ANTXR2: variants seen among roughly 807,000 people sequenced by gnomAD.
ANTXR2 encodes anthrax toxin receptor 2.
ANTXR2 carries 44 observed loss-of-function variants against 73.7 expected under a neutral mutation model. That is an observed-to-expected ratio of 0.60 (90% CI 0.47 to 0.77). ANTXR2 has a LOEUF of 0.77. Among genes scored for constraint, ANTXR2 ranks in the 30% least tolerant of loss-of-function variants. The pLI is 0.00. For synonymous variants in ANTXR2, 217 were observed against 205.9 expected, an observed-to-expected ratio of 1.05 and a Z score of -0.46; for missense variants, 604 against 592.5, an observed-to-expected ratio of 1.02 and a Z score of -0.20.
In ANTXR2 at chr4:80,066,699, T is replaced by C. The variant is rs79260231; in HGVS notation, c.296+2737A>G. 1.8e-3 allele frequency among the ~76,000 whole-genome samples: 248 copies of C among 136,928 alleles called. 2 individuals are homozygous for C. The highest frequency in any genetic ancestry group is 6.7e-3 in the African/African-American group (233 of 34,732). 89.8% of individuals were successfully genotyped at this position (136,928 alleles called of 152,430 possible). On this transcript the variant is annotated intron_variant, in intron 3 of 16. Transcript: ENST00000403729. ...AATACTTCACATTCATCAACTTTCA[T>C]TCATGTAACAATTTTATGGGGTAGG...
intron 12 of ANTXR2, among the ~76,000 whole-genome samples, chr4:80,006,391 A>T (rs1273445480): frequency 6.6e-6 from 1 of 152,000 alleles, no homozygotes; most frequent in African/African-American, 2.4e-5. Context: ...AATCTACTTT[A>T]GAAAACGTTT....
At chr4:80,058,345 G>C (rs1313950106) in intron 3 of ANTXR2, among the ~76,000 whole-genome samples, 1 of 151,966 alleles carries the variant, frequency 6.6e-6, no homozygotes, top group Non-Finnish European at 1.5e-5. Flanking sequence ...AAGATTCCAA[G>C]CTCCACTCAA....
chr4:80,001,338 C>T (rs1384951910), intron 12 of ANTXR2, among the ~76,000 whole-genome samples: 1 of 134,976 alleles, frequency 7.4e-6, no homozygotes, highest in Non-Finnish European at 1.6e-5. Flanking sequence ...CACAACAGTC[C>T]CCAGAGTGTG....
intron 16 of ANTXR2, among the ~76,000 whole-genome samples, chr4:79,917,028 G>C (rs1356924736): frequency 6.6e-6 from 1 of 152,118 alleles, no homozygotes; most frequent in Non-Finnish European, 1.5e-5. Context: ...GTAAATGTTT[G>C]ACTTTTGAAA....
chr4:79,924,321 A>G (rs1727699451), intron 16 of ANTXR2, among the ~76,000 whole-genome samples: 1 of 152,154 alleles, frequency 6.6e-6, no homozygotes, highest in South Asian at 2.1e-4. Context: ...GGTTAAAAAC[A>G]TTCTTTAAAA....
intron 16 of ANTXR2, among the ~76,000 whole-genome samples, chr4:79,910,778 A>C (rs774510234): frequency 6.6e-6 from 1 of 152,190 alleles, no homozygotes; most frequent in African/African-American, 2.4e-5. Context: ...AGGATTACCA[A>C]GGAGAAAAAC....
intron 16 of ANTXR2, among the ~76,000 whole-genome samples, chr4:79,929,201 AT>A (rs1157180176): frequency 5.3e-5 from 8 of 152,296 alleles, no homozygotes; most frequent in African/African-American, 1.2e-4. Context: ...ATATAAAAAA[AT>A]AAAAATAAAT....
intron 16 of ANTXR2, among the ~76,000 whole-genome samples, chr4:79,936,256 A>C (rs568080352): frequency 6.6e-6 from 1 of 152,166 alleles, no homozygotes; most frequent in African/African-American, 2.4e-5. Flanking sequence ...TATTTGCAGA[A>C]TATTTAATTG....
Position 80,072,736 on chromosome 4 carries a change from T to A in ANTXR2, c.-176A>T, listed in dbSNP as rs1578203583. 1.5e-6 allele frequency: 2 copies of A among 1,325,914 alleles called. No homozygotes were observed. Among genetic ancestry groups the A allele is most frequent in the Non-Finnish European group, 1.9e-6 (2 of 1,043,772 alleles). The allele number at this position is 1,325,914 out of a possible 1,614,324, so 82.1% of individuals were successfully genotyped here. A position where few individuals can be genotyped will look rare whatever the true frequency, so the allele number is the denominator to read the frequency against. Reference sequence around the variant, plus strand: ...GCTGACAGGGAGGGAGAGAGGGAGGTCCTGAGAGGACAAAGGGAGTCTCCG... The same window carrying A: ...GCTGACAGGGAGGGAGAGAGGGAGGACCTGAGAGGACAAAGGGAGTCTCCG... On this transcript the variant is annotated 5_prime_UTR_variant, in exon 1 of 17. Transcript: ENST00000403729.
intron 16 of ANTXR2, among the ~76,000 whole-genome samples, chr4:79,951,736 C>T (rs1728718138): frequency 6.6e-6 from 1 of 152,082 alleles, no homozygotes; most frequent in African/African-American, 2.4e-5. Context: ...CTTTCTCTAC[C>T]TCTACAAATC....
chr4:79,990,948 T>C (rs560708222), intron 12 of ANTXR2, among the ~76,000 whole-genome samples: 1 of 152,064 alleles, frequency 6.6e-6, no homozygotes, highest in South Asian at 2.1e-4. Context: ...TCACCATATA[T>C]AAAAACCAGC....
chr4:80,032,936 G>A (rs1422310988), intron 9 of ANTXR2, among the ~76,000 whole-genome samples: 3 of 141,546 alleles, frequency 2.1e-5, no homozygotes, highest in Non-Finnish European at 4.5e-5. Context: ...AATCTATAAG[G>A]CAAAAAAAGA....
At chr4:79,952,852 G>T (rs1402224938) in intron 16 of ANTXR2, among the ~76,000 whole-genome samples, 1 of 151,718 alleles carries the variant, frequency 6.6e-6, no homozygotes, top group Non-Finnish European at 1.5e-5. Context: ...TTATACAACA[G>T]AGAGTACAAA....
intron 11 of ANTXR2, among the ~76,000 whole-genome samples, chr4:80,012,433 A>C (rs1170910687): frequency 6.6e-6 from 1 of 152,178 alleles, no homozygotes; most frequent in African/African-American, 2.4e-5. Flanking sequence ...AGTTTTACTG[A>C]ACACAGCCAT....
intron 10 of ANTXR2, 113 bp downstream of exon 10, chr4:80,031,510 T>C: frequency 1.2e-6 from 1 of 842,726 alleles, no homozygotes; most frequent in East Asian, 3.5e-5. Flanking sequence ...GCTTACTTTT[T>C]AATGCTCTGT....
In ANTXR2 at chr4:79,926,459, T is replaced by C. The variant is rs145122119; in HGVS notation, c.1429-18992A>G. The stretch of plus-strand genomic sequence containing the variant: ...ATGGGTGGGATGAGGAGGAAGATGA[T>C]TGCCATATCAAAGCAAATAAAGAAA... On this transcript the variant is annotated intron_variant, in intron 16 of 16. Transcript: ENST00000403729. Among the ~76,000 whole-genome samples the C allele has an allele frequency of 2.6e-3, 393 of 152,176 alleles. 1 individual carries two copies. The highest frequency in any genetic ancestry group is 8.2e-3 in the African/African-American group (341 of 41,538).
chr4:79,927,778 C>G (rs1727879078), intron 16 of ANTXR2, among the ~76,000 whole-genome samples: 1 of 151,934 alleles, frequency 6.6e-6, no homozygotes, highest in African/African-American at 2.4e-5. Flanking sequence ...AAAGTAGAAG[C>G]TGAAAAGAAC....
chr4:79,910,262 G>A (rs1466117219), intron 16 of ANTXR2, among the ~76,000 whole-genome samples: 2 of 152,072 alleles, frequency 1.3e-5, no homozygotes, highest in African/African-American at 4.8e-5. Context: ...TGTAATCCCA[G>A]CACTTTGGGA....
intron 14 of ANTXR2, among the ~76,000 whole-genome samples, chr4:79,982,594 C>T (rs1490606426): frequency 6.6e-6 from 1 of 152,090 alleles, no homozygotes; most frequent in African/African-American, 2.4e-5. Flanking sequence ...CTGTGTCAAA[C>T]AACAAGAACT....
Sources: gnomAD v4.1 joint callset for allele counts (sites outside exome capture counted in the v4.1 genomes callset) on GRCh38, gnomAD v4.1.1 for gene constraint, MANE v1.5 for transcripts, NCBI Gene and HGNC (gene_info 2026-07-23, HGNC 2026-07-21) for gene names.